Variants in TEK observed in about 807,000 individuals in gnomAD.
TEK encodes the protein angiopoietin-1 receptor.
TEK carries 43 observed loss-of-function variants against 131.8 expected under a neutral mutation model. The ratio of observed to expected loss-of-function variants is 0.33; its 90% confidence interval spans 0.26 to 0.42. The LOEUF is 0.42. Among genes scored for constraint, TEK ranks in the 10% least tolerant of loss-of-function variants. The pLI is 1.00. For synonymous variants in TEK, 580 were observed against 491.6 expected, an observed-to-expected ratio of 1.18 and a Z score of -2.38; for missense variants, 1,162 against 1,384.4, an observed-to-expected ratio of 0.84 and a Z score of 2.55.
Position 27,228,320 on chromosome 9 carries a change from C to G in TEK, c.3300+15C>G. On this transcript the variant is annotated intron_variant, in intron 22 of 22. Coordinates refer to ENST00000380036, the MANE Select transcript of TEK (RefSeq NM_000459.5). The stretch of plus-strand genomic sequence containing the variant: ...AGGAGCGAAAGGTAAGTATTAAAGT[C>G]AGGCAGGAGATCTTTAATTGGAATA... The G allele has an allele frequency of 6.3e-7, 1 of 1,589,676 alleles. No homozygotes were observed.
In TEK at chr9:27,146,975, C is replaced by T. The variant is rs944362588; in HGVS notation, c.53-10856C>T. ...TGATCTCCTGACCTTGTGATCTGCC[C>T]GCCTCGGCCTCCCAAAGTGCTGGGA... On this transcript the variant is annotated intron_variant, in intron 1 of 22. Transcript: ENST00000380036. Among the ~76,000 whole-genome samples, 9 of 152,140 alleles carry T rather than the reference C, an allele frequency of 5.9e-5. 1 individual carries two copies. The highest frequency in any genetic ancestry group is 4.2e-4 in the South Asian group (2 of 4,812).
Position 27,169,544 on chromosome 9 carries a change from T to C in TEK, c.543T>C (p.Ala181=). The C allele has an allele frequency of 6.2e-7, 1 of 1,614,164 alleles. No homozygotes were observed. The highest frequency in any genetic ancestry group is 8.5e-7 in the Non-Finnish European group (1 of 1,180,012). Reference sequence around the variant, plus strand: ...TTCTAGAAGTACACCTGCCTCATGCTCAGCCCCAGGATGCTGGAGTGTACT... The same window carrying C: ...TTCTAGAAGTACACCTGCCTCATGCCCAGCCCCAGGATGCTGGAGTGTACT... ...PDILEVHLPH[A]QPQDAGVYSA... The change falls in exon 4 of 23, where the codon GCT becomes GCC. Residue 181 remains alanine (A), a synonymous_variant. Coordinates refer to ENST00000380036, the MANE Select transcript of TEK (RefSeq NM_000459.5).
At chr9:27,146,018 G>C in intron 1 of TEK, among the ~76,000 whole-genome samples, 1 of 152,154 alleles carries the variant, frequency 6.6e-6, no homozygotes, top group Admixed American at 6.5e-5. Flanking sequence ...AGGTAACACT[G>C]TTATCAGGTT....
At chr9:27,146,605 A>G (rs1393301443) in intron 1 of TEK, among the ~76,000 whole-genome samples, 27 of 151,656 alleles carry the variant, frequency 1.8e-4, no homozygotes, top group Admixed American at 1.8e-3. Context: ...TTTTCTTTTC[A>G]TTGTTGAGTA....
intron 15 of TEK, 22 bp from the exon 16 acceptor site, chr9:27,209,099 C>G (rs766032952): frequency 1.3e-6 from 2 of 1,563,930 alleles, no homozygotes; most frequent in Non-Finnish European, 1.8e-6. Flanking sequence ...AGAAGAATCA[C>G]AACCCTTGAC....
chr9:27,154,558 GTTC>G (rs1823256165), intron 1 of TEK, among the ~76,000 whole-genome samples: 1 of 152,176 alleles, frequency 6.6e-6, no homozygotes, highest in Admixed American at 6.5e-5. Flanking sequence ...GGTCATCGTT[GTTC>G]TTCTTTTTAT....
intron 7 of TEK, among the ~76,000 whole-genome samples, chr9:27,182,549 A>G (rs1229565129): frequency 1.3e-5 from 2 of 152,090 alleles, no homozygotes; most frequent in Admixed American, 6.6e-5. Flanking sequence ...ATAAAATATC[A>G]TTATTGACCC....
rs576974919 is a variant in TEK at position 27,150,400 on chromosome 9, G to A, written c.53-7431G>A. Among the ~76,000 whole-genome samples the A allele has an allele frequency of 5.3e-5, 8 of 152,244 alleles. 1 individual carries two copies. The South Asian group carries it at 1.7e-3, about 32-fold the overall frequency. On this transcript the variant is annotated intron_variant, in intron 1 of 22. Coordinates refer to ENST00000380036, the MANE Select transcript of TEK (RefSeq NM_000459.5). ...GGCAGGAGCTTCACTTGAGCCCAGA[G>A]GTTCGAGACCAGCCTAGGCAACACA...
At position 27,229,046 on chromosome 9, in the gene TEK, G is replaced by A. The variant is rs1227929419; in HGVS notation, c.3301-112G>A. ...GAGGACAGAAAAGTATCCCCCAAGT[G>A]CTTAGTATATGAGTTGCAACAAACT... On this transcript the variant is annotated intron_variant, in intron 22 of 22. Transcript: ENST00000380036. 3 of 871,308 alleles carry A rather than the reference G, an allele frequency of 3.4e-6. No homozygotes were observed. The African/African-American group carries it at 4.9e-5, about 14-fold the overall frequency. The allele number at this position is 871,308 out of a possible 1,614,324, so 54.0% of individuals were successfully genotyped here. A position where few individuals can be genotyped will look rare whatever the true frequency, so the allele number is the denominator to read the frequency against.
intron 12 of TEK, among the ~76,000 whole-genome samples, chr9:27,201,542 CTGTTGATTAATTGTGATTT>C (rs766379069): frequency 3.3e-5 from 5 of 152,022 alleles, no homozygotes; most frequent in Non-Finnish European, 7.4e-5. Flanking sequence ...TTAAGACATA[CTGTTGATTAATTGTGATTT>C]TTGGATACTG....
chr9:27,191,681 C>T (rs374119681), intron 10 of TEK, among the ~76,000 whole-genome samples: 1 of 152,056 alleles, frequency 6.6e-6, no homozygotes, highest in South Asian at 2.1e-4. Flanking sequence ...ATTACTGAGT[C>T]CTTCACATAC....
chr9:27,145,254 T>TA (rs1822871143), intron 1 of TEK, among the ~76,000 whole-genome samples: 1 of 152,028 alleles, frequency 6.6e-6, no homozygotes, highest in Non-Finnish European at 1.5e-5. Context: ...GTCAGCCCTG[T>TA]AAAAAAGGGG....
At chr9:27,173,597 G>C (rs1317459291) in intron 6 of TEK, among the ~76,000 whole-genome samples, 1 of 152,092 alleles carries the variant, frequency 6.6e-6, no homozygotes, top group African/African-American at 2.4e-5. Context: ...CTTTACTAAA[G>C]CACGGATTCT....
chr9:27,110,343 T>C (rs1208393471), intron 1 of TEK, among the ~76,000 whole-genome samples: 1 of 152,088 alleles, frequency 6.6e-6, no homozygotes, highest in Non-Finnish European at 1.5e-5. Context: ...ATGAAGCCTG[T>C]TGTAGAGTGA....
chr9:27,136,239 G>A (rs917753753), intron 1 of TEK, among the ~76,000 whole-genome samples: 5 of 151,898 alleles, frequency 3.3e-5, no homozygotes, highest in Admixed American at 6.6e-5. Flanking sequence ...ATGCCACCAC[G>A]CCCAGCTGAT....
intron 1 of TEK, among the ~76,000 whole-genome samples, chr9:27,122,726 G>A (rs600766): frequency 1.3e-5 from 2 of 152,034 alleles, no homozygotes; most frequent in East Asian, 3.9e-4. Context: ...GAAAGGATGT[G>A]CCAAGGAAGG....
intron 11 of TEK, among the ~76,000 whole-genome samples, chr9:27,197,111 G>A (rs1164972164): frequency 1.4e-5 from 2 of 147,506 alleles, no homozygotes; most frequent in Non-Finnish European, 3.0e-5. Context: ...GATTTCATCA[G>A]AACTCACTCG....
At chr9:27,222,161 G>A (rs1826110235) in intron 21 of TEK, among the ~76,000 whole-genome samples, 2 of 152,236 alleles carry the variant, frequency 1.3e-5, no homozygotes, top group South Asian at 4.1e-4. Flanking sequence ...TACACTTAAA[G>A]CATGAAGACA....
chr9:27,141,574 C>A (rs535506099), intron 1 of TEK, among the ~76,000 whole-genome samples: 4 of 152,234 alleles, frequency 2.6e-5, no homozygotes, highest in African/African-American at 9.6e-5. Flanking sequence ...GATGAAAATA[C>A]ATTTTTCAGT....
Sources: allele counts gnomAD v4.1 joint callset (sites outside exome capture counted in the v4.1 genomes callset), GRCh38; gene constraint gnomAD v4.1.1; transcripts MANE v1.5; gene names NCBI Gene and HGNC (gene_info 2026-07-23, HGNC 2026-07-21).